Variants in IRF9 observed in about 807,000 individuals in gnomAD.
The protein encoded by IRF9 is IFN-alpha-responsive transcription factor subunit.
A neutral mutation model predicts 44.1 loss-of-function variants in IRF9; 13 were observed. That is an observed-to-expected ratio of 0.29 (90% CI 0.19 to 0.47). The LOEUF (loss-of-function observed/expected upper bound fraction) is 0.47. Among genes scored for constraint, IRF9 ranks in the 20% least tolerant of loss-of-function variants. The pLI, the probability that IRF9 is intolerant of heterozygous loss-of-function variation, is 1.00. For missense variants in IRF9, 373 were observed against 496.1 expected (o/e 0.75, Z 2.36); for synonymous variants, 189 against 188.5 (o/e 1.00, Z -0.02).
Position 24,164,554 on chromosome 14 carries a change from G to T in IRF9, c.650-60G>T. 1 of 1,489,264 alleles carries T rather than the reference G, an allele frequency of 6.7e-7. No homozygotes were observed. The highest frequency in any genetic ancestry group is 9.1e-7 in the Non-Finnish European group (1 of 1,099,766). The allele number at this position is 1,489,264 out of a possible 1,614,324, so 92.3% of individuals were successfully genotyped here. A position where few individuals can be genotyped will look rare whatever the true frequency, so the allele number is the denominator to read the frequency against. On this transcript the variant is annotated intron_variant, in intron 6 of 8. Transcript: ENST00000396864. The surrounding 1 kb of genome is among the most constrained non-coding windows in gnomAD (Gnocchi z 5.2). The stretch of plus-strand genomic sequence containing the variant: ...GGGGAGGTGGAGTTGTTCCCCTGGG[G>T]AGGGGCTGCTGCCAGCCTGCATGCT...
rs761048297 is a variant in IRF9, at chr14:24,162,211, G to A, written c.67G>A (p.Gly23Arg). Residue 23 changes from glycine (G) to arginine (R), a missense_variant, in exon 2 of 9, where the codon GGG becomes AGG. By Grantham distance (125) the Gly-to-Arg change is moderately radical. Coordinates refer to ENST00000396864, the MANE Select transcript of IRF9 (RefSeq NM_006084.5). ...CTGGGTGGTGGAGCAAGTGGAGAGT[G>A]GGCAGTTTCCCGGAGTGTGCTGGGA... ...RNWVVEQVES[G>R]QFPGVCWDDT... is the part of the protein sequence containing the mutation. The A allele has an allele frequency of 1.2e-6, 2 of 1,614,166 alleles. No individual in the cohort carries two copies. The highest frequency in any genetic ancestry group is 4.5e-5 in the East Asian group (2 of 44,882).
intron 4 of IRF9, 85 bp from the exon 5 acceptor site, chr14:24,163,793 C>T (rs1201169533): frequency 1.3e-5 from 18 of 1,358,840 alleles, no homozygotes; most frequent in East Asian, 1.0e-4. Flanking sequence ...GCCGAGATCG[C>T]GCCACTGCAC....
Position 24,164,405 on chromosome 14 carries a change from G to C in IRF9, c.650-209G>C, listed in dbSNP as rs2038497393. On this transcript the variant is annotated intron_variant, in intron 6 of 8. Coordinates refer to ENST00000396864, the MANE Select transcript of IRF9 (RefSeq NM_006084.5). The surrounding 1 kb of genome is among the most constrained non-coding windows in gnomAD (Gnocchi z 5.2). ...GGCCAAACAGAGGCCCAATCTCAAG[G>C]GACCTTCTAGTAAACTACAAGCCCC... is the stretch of plus-strand genomic sequence containing the variant. 1 of 603,814 alleles carries C rather than the reference G, an allele frequency of 1.7e-6. No individual in the cohort carries two copies. Among genetic ancestry groups the C allele is most frequent in the Admixed American group, 3.1e-5 (1 of 32,122 alleles). 37.4% of individuals were successfully genotyped at this position (603,814 alleles called of 1,614,324 possible). A position where few individuals can be genotyped will look rare whatever the true frequency, so the allele number is the denominator to read the frequency against.
chr14:24,162,225 A>G lies in IRF9; in HGVS notation c.81A>G (p.Gly27=). 6.2e-7 allele frequency: 1 copy of G among 1,614,078 alleles called. No homozygotes were observed. Among genetic ancestry groups the G allele is most frequent in the Non-Finnish European group, 8.5e-7 (1 of 1,180,020 alleles). Residue 27 remains glycine, a synonymous_variant, in exon 2 of 9, where the codon GGA becomes GGG. Transcript: ENST00000396864. ...AAGTGGAGAGTGGGCAGTTTCCCGGAGTGTGCTGGGATGATACAGCTAAGA... is the reference window on the plus strand; with the variant it reads ...AAGTGGAGAGTGGGCAGTTTCCCGGGGTGTGCTGGGATGATACAGCTAAGA... ...VEQVESGQFP[G]VCWDDTAKTM... is the part of the protein sequence containing the mutation.
chr14:24,165,140 C>T (rs562510670), intron 7 of IRF9, 185 bp downstream of exon 7: 19 of 717,744 alleles, frequency 2.6e-5, no homozygotes, highest in Middle Eastern at 2.3e-4. Context: ...TGGCAGCTAC[C>T]TGGCAGCTCT....
Position 24,163,016 on chromosome 14 carries a change from A to C in IRF9, c.231A>C (p.Pro77=). 2 of 1,614,154 alleles carry C rather than the reference A, an allele frequency of 1.2e-6. No homozygotes were observed. The highest frequency in any genetic ancestry group is 1.3e-5 in the African/African-American group (1 of 75,050). Residue 77 remains proline, a synonymous_variant, in exon 3 of 9, where the codon CCA becomes CCC. Transcript: ENST00000396864. The stretch of plus-strand genomic sequence containing the variant: ...ATAAGGAGGGGGACACAGGAGGTCC[A>C]GCTGTCTGGAAGACTCGCCTGCGCT... ...GKYKEGDTGG[P]AVWKTRLRCA... is the part of the protein sequence containing the mutation.
chr14:24,166,343 C>T lies in IRF9; in HGVS notation c.*147C>T. The T allele has an allele frequency of 1.4e-6, 1 of 725,386 alleles. No homozygotes were observed. Among genetic ancestry groups the T allele is most frequent in the Non-Finnish European group, 2.4e-6 (1 of 422,238 alleles). The allele number at this position is 725,386 out of a possible 1,614,324, so 44.9% of individuals were successfully genotyped here. A position where few individuals can be genotyped will look rare whatever the true frequency, so the allele number is the denominator to read the frequency against. On this transcript the variant is annotated 3_prime_UTR_variant, in exon 9 of 9. Transcript: ENST00000396864. The stretch of plus-strand genomic sequence containing the variant: ...ATCGTGTCCTGAAAATCCTCGCACA[C>T]ACTGGCTGGTGGAGAACTCAAGGCT...
chr14:24,166,351 G>T lies in IRF9; in HGVS notation c.*155G>T. The T allele has an allele frequency of 6.0e-6, 4 of 661,768 alleles. No individual in the cohort carries two copies. The highest frequency in any genetic ancestry group is 2.8e-5 in the Admixed American group (1 of 36,010). 41.0% of individuals were successfully genotyped at this position (661,768 alleles called of 1,614,324 possible). A position where few individuals can be genotyped will look rare whatever the true frequency, so the allele number is the denominator to read the frequency against. On this transcript the variant is annotated 3_prime_UTR_variant, in exon 9 of 9. Coordinates refer to ENST00000396864, the MANE Select transcript of IRF9 (RefSeq NM_006084.5). ...CTGAAAATCCTCGCACACACTGGCT[G>T]GTGGAGAACTCAAGGCTAATTTTTT... is the stretch of plus-strand genomic sequence containing the variant.
At chr14:24,163,253 T>A in intron 3 of IRF9, 104 bp downstream of exon 3, 1 of 1,544,564 alleles carries the variant, frequency 6.5e-7, no homozygotes, top group Non-Finnish European at 8.8e-7. Flanking sequence ...GTCCATGCCC[T>A]TGGGGGGCTG....
Position 24,165,971 on chromosome 14 carries a change from G to A in IRF9, c.1107+9G>A, listed in dbSNP as rs778418257. On this transcript the variant is annotated intron_variant, in intron 8 of 8. Coordinates refer to ENST00000396864, the MANE Select transcript of IRF9 (RefSeq NM_006084.5). ...ATCTTATCACAGTGAAGGTGAGCTC[G>A]GAGCAGGGGTAGAGTACCCATCTAA... 4.4e-5 allele frequency: 71 copies of A among 1,609,092 alleles called. No homozygotes were observed. Among genetic ancestry groups the A allele is most frequent in the Admixed American group, 1.0e-4 (6 of 59,934 alleles).
At chr14:24,161,809 G>A (rs968628273) in intron 1 of IRF9, among the ~76,000 whole-genome samples, 2 of 152,174 alleles carry the variant, frequency 1.3e-5, no homozygotes, top group African/African-American at 2.4e-5. Flanking sequence ...CACCAGGAAC[G>A]ATCACCAAAG....
In IRF9 at chr14:24,163,385, A is replaced by G; in HGVS notation, c.372A>G (p.Pro124=). The change falls in exon 4 of 9, where the codon CCA becomes CCG. Residue 124 remains proline (P), a synonymous_variant. Coordinates refer to ENST00000396864, the MANE Select transcript of IRF9 (RefSeq NM_006084.5). ...LLPPGIVSGQ[P]GTQKVPSKRQ... is the part of the protein sequence containing the mutation. ...CCCTCAACAATTCCACAGGCCAGCC[A>G]GGGACTCAGAAAGTACCATCAAAGC... The G allele has an allele frequency of 1.2e-6, 2 of 1,613,902 alleles. No homozygotes were observed. The highest frequency in any genetic ancestry group is 1.7e-6 in the Non-Finnish European group (2 of 1,179,818).
intron 2 of IRF9, chr14:24,162,530 G>A (rs1020089301): frequency 2.4e-5 from 13 of 550,930 alleles, no homozygotes; most frequent in South Asian, 1.1e-4. Flanking sequence ...GGCCAGGCAC[G>A]GTGGCTCACG....
At position 24,163,761 on chromosome 14, in the gene IRF9, C is replaced by T. The variant is rs973183138; in HGVS notation, c.496-117C>T. Reference sequence around the variant, plus strand: ...GCCGAGGCAGGAGAATCGCTTGAACCGGGGGGCGGAGATAGCAGTGAGCCG... The same window carrying T: ...GCCGAGGCAGGAGAATCGCTTGAACTGGGGGGCGGAGATAGCAGTGAGCCG... On this transcript the variant is annotated intron_variant, in intron 4 of 8. Transcript: ENST00000396864. 10 of 1,095,616 alleles carry T rather than the reference C, an allele frequency of 9.1e-6. 1 individual carries two copies. Among genetic ancestry groups the T allele is most frequent in the South Asian group, 7.8e-5 (5 of 64,410 alleles). 67.9% of individuals were successfully genotyped at this position (1,095,616 alleles called of 1,614,324 possible). A position where few individuals can be genotyped will look rare whatever the true frequency, so the allele number is the denominator to read the frequency against.
rs753872905 is a variant in IRF9 at position 24,166,140 on chromosome 14, C to A, written c.1126C>A (p.Arg376=). The A allele has an allele frequency of 6.2e-7, 1 of 1,614,034 alleles. No homozygotes were observed. Among genetic ancestry groups the A allele is most frequent in the African/African-American group, 1.3e-5 (1 of 75,054 alleles). Residue 376 remains arginine, a synonymous_variant, in exon 9 of 9, where the codon CGA becomes AGA. Transcript: ENST00000396864. ...AATACAGATGGAGCAGGCCTTTGCC[C>A]GATACTTGCTGGAGCAGACTCCAGA... ...ITVKMEQAFA[R]YLLEQTPEQQ... is the part of the protein sequence containing the mutation.
intron 1 of IRF9, among the ~76,000 whole-genome samples, 165 bp downstream of exon 1, chr14:24,161,503 G>A (rs1427045281): frequency 6.6e-6 from 1 of 152,170 alleles, no homozygotes; most frequent in Non-Finnish European, 1.5e-5. Context: ...GACTGACAAG[G>A]GCCAGCTCCC....
At position 24,164,398 on chromosome 14, in the gene IRF9, T is replaced by C. The variant is rs1367057410; in HGVS notation, c.650-216T>C. 9 of 603,852 alleles carry C rather than the reference T, an allele frequency of 1.5e-5. No individual in the cohort carries two copies. Among genetic ancestry groups the C allele is most frequent in the Non-Finnish European group, 2.6e-5 (9 of 344,036 alleles). 37.4% of individuals were successfully genotyped at this position (603,852 alleles called of 1,614,324 possible). On this transcript the variant is annotated intron_variant, in intron 6 of 8. Transcript: ENST00000396864. This position sits in a 1 kb window ranked among gnomAD's most constrained non-coding sequence, Gnocchi z 5.2. ...TTCATTGGGCCAAACAGAGGCCCAA[T>C]CTCAAGGGACCTTCTAGTAAACTAC... is the stretch of plus-strand genomic sequence containing the variant.
intron 2 of IRF9, chr14:24,162,760 C>T (rs2038476030): frequency 3.6e-6 from 2 of 551,028 alleles, no homozygotes; most frequent in South Asian, 2.2e-5. Flanking sequence ...GATCGCACCA[C>T]TGCACTCCAG....
In IRF9 at chr14:24,164,853, C is replaced by T. The variant is rs1412710792; in HGVS notation, c.889C>T (p.Pro297Ser). The change falls in exon 7 of 9, where the codon CCC becomes TCC. Residue 297 changes from proline to serine, a missense_variant. Pro to Ser is a moderately conservative substitution (Grantham distance 74). Around this residue, in one of 2 missense-constraint regions of IRF9, gnomAD observed 146 missense variants for 240.8 expected, o/e 0.61. Transcript: ENST00000396864. The surrounding 1 kb of genome is among the most constrained non-coding windows in gnomAD (Gnocchi z 5.2). Reference protein sequence around the residue: ...GLFVQRLCPIPISWNAPQAPP... With the variant: ...GLFVQRLCPISISWNAPQAPP... ...CTTCGTGCAGCGCCTTTGCCCCATC[C>T]CCATCTCCTGGAATGCACCCCAGGC... 6.2e-7 allele frequency: 1 copy of T among 1,610,990 alleles called. No individual in the cohort carries two copies. The highest frequency in any genetic ancestry group is 8.5e-7 in the Non-Finnish European group (1 of 1,179,970).
Sources: gnomAD v4.1 joint callset for allele counts (sites outside exome capture counted in the v4.1 genomes callset) on GRCh38, gnomAD v4.1.1 for gene constraint, gnomAD v4.1.1 regional missense constraint, Gnocchi (gnomAD v3.1) non-coding constraint, MANE v1.5 for transcripts, NCBI Gene and HGNC (gene_info 2026-07-23, HGNC 2026-07-21) for gene names.